The following TMEM53 variants were observed in gnomAD, a reference collection of about 807,000 sequenced individuals.
TMEM53 encodes novel DUF829 domain-containing protein.
A neutral mutation model predicts 21.4 loss-of-function variants in TMEM53; 14 were observed. The ratio of observed to expected loss-of-function variants is 0.65; its 90% CI spans 0.43 to 1.02. TMEM53 has a LOEUF of 1.02. TMEM53 is among the 50% of genes least tolerant of loss of function. The probability of loss-of-function intolerance (pLI) is 0.00; values close to 1 mark genes in which losing one functional copy is unlikely to be tolerated. For synonymous variants in TMEM53, 148 were observed against 157.4 expected (o/e 0.94, Z 0.45); for missense variants, 323 against 383.6 (o/e 0.84, Z 1.32).
Position 44,655,295 on chromosome 1 carries a change from C to A in TMEM53, c.184-86G>T. 7.3e-7 allele frequency: 1 copy of A among 1,367,982 alleles called. No individual in the cohort carries two copies. The highest frequency in any genetic ancestry group is 9.9e-7 in the Non-Finnish European group (1 of 1,012,826). 84.7% of individuals were successfully genotyped at this position (1,367,982 alleles called of 1,614,324 possible). A position where few individuals can be genotyped will look rare whatever the true frequency, so the allele number is the denominator to read the frequency against. On this transcript the variant is annotated intron_variant, in intron 2 of 2. Coordinates refer to ENST00000372237, the MANE Select transcript of TMEM53 (RefSeq NM_024587.4). This position sits in a 1 kb window ranked among gnomAD's most constrained non-coding sequence, Gnocchi z 4.4. The stretch of plus-strand genomic sequence containing the variant: ...GGTCAGAGGGGCCCAGCAACCCCAG[C>A]CTGTAGGACATAGGCCATGGGGCCC...
In TMEM53 at chr1:44,653,861, A is replaced by AGAT. The variant is rs1157530389; in HGVS notation, c.*695_*697dup. The AGAT allele has an allele frequency of 6.6e-6, 1 of 152,270 alleles. No individual in the cohort carries two copies. Among genetic ancestry groups the AGAT allele is most frequent in the African/African-American group, 2.4e-5 (1 of 41,474 alleles). The allele number at this position is 152,270 out of a possible 1,614,324, so 9.4% of individuals were successfully genotyped here. A position where few individuals can be genotyped will look rare whatever the true frequency, so the allele number is the denominator to read the frequency against. ...ACAGGCACAAAGTTTCAGTTATGCAAGATGATGAAGTTCTGAATTATGCAA... is the reference window on the plus strand; with the variant it reads ...ACAGGCACAAAGTTTCAGTTATGCAAGATGATGATGAAGTTCTGAATTATGCAA... On this transcript the variant is annotated 3_prime_UTR_variant, in exon 3 of 3. Transcript: ENST00000372237.
intron 1 of TMEM53, among the ~76,000 whole-genome samples, chr1:44,662,917 T>G (rs1323980946): frequency 2.0e-5 from 3 of 152,212 alleles, no homozygotes. Context: ...AACTCCGTTT[T>G]GCTGGCAACC....
At chr1:44,670,462 G>C (rs1028947067) in intron 1 of TMEM53, among the ~76,000 whole-genome samples, 2 of 152,168 alleles carry the variant, frequency 1.3e-5, no homozygotes, top group Admixed American at 1.3e-4. Context: ...GTATGGCCAT[G>C]GACTTGACTT....
At chr1:44,674,302 C>G (rs1645060526) in intron 1 of TMEM53, 29 bp downstream of exon 1, 9 of 1,594,668 alleles carry the variant, frequency 5.6e-6, no homozygotes, top group Non-Finnish European at 6.8e-6. Context: ...GTCACCTCCC[C>G]GCGCCTGGAC....
At chr1:44,667,277 T>A (rs916723013) in intron 1 of TMEM53, among the ~76,000 whole-genome samples, 10 of 151,808 alleles carry the variant, frequency 6.6e-5, no homozygotes, top group African/African-American at 1.9e-4. Context: ...AATACCCATA[T>A]ACACACACAT....
At position 44,674,320 on chromosome 1, in the gene TMEM53, T is replaced by A. The variant is rs1405356156; in HGVS notation, c.61+11A>T. The A allele has an allele frequency of 6.2e-7, 1 of 1,610,064 alleles. No individual in the cohort carries two copies. The highest frequency in any genetic ancestry group is 1.7e-5 in the Admixed American group (1 of 59,324). On this transcript the variant is annotated intron_variant, in intron 1 of 2. Coordinates refer to ENST00000372237, the MANE Select transcript of TMEM53 (RefSeq NM_024587.4). The stretch of plus-strand genomic sequence containing the variant: ...ACCTCCCCGCGCCTGGACCCAACCC[T>A]CATTCCATACTCTGGCTCCAGCAGG...
intron 2 of TMEM53, 23 bp downstream of exon 2, chr1:44,660,151 G>A (rs760480487): frequency 6.2e-7 from 1 of 1,610,194 alleles, no homozygotes; most frequent in Non-Finnish European, 8.5e-7. Context: ...GCAGCCCAGG[G>A]GAGAGGGCAC....
chr1:44,655,705 C>A lies in TMEM53; in HGVS notation c.184-496G>T, dbSNP rs1489450202. 6.6e-6 allele frequency among the ~76,000 whole-genome samples: 1 copy of A among 152,150 alleles called. No homozygotes were observed. The highest frequency in any genetic ancestry group is 1.9e-4 in the East Asian group (1 of 5,182). ...CATGAGACCAGTACCCGAGAGCTGG[C>A]CTGCAGGCGCCAGCCCTGACCACCA... On this transcript the variant is annotated intron_variant, in intron 2 of 2. Transcript: ENST00000372237. The surrounding 1 kb of genome is among the most constrained non-coding windows in gnomAD (Gnocchi z 4.4).
At chr1:44,661,417 TA>T (rs149985380) in intron 1 of TMEM53, among the ~76,000 whole-genome samples, 37,337 of 150,044 alleles carry the variant, frequency 0.25, 5,530 homozygotes, top group Middle Eastern at 0.36. Flanking sequence ...TTTTTTTTTT[TA>T]AGAGTAAAAA....
Position 44,654,657 on chromosome 1 carries a change from C to T in TMEM53, c.736G>A (p.Asp246Asn). Residue 246 changes from aspartate (D) to asparagine (N), a missense_variant, in exon 3 of 3, where the codon GAT becomes AAT. By Grantham distance (23) the Asp-to-Asn change is conservative. Coordinates refer to ENST00000372237, the MANE Select transcript of TMEM53 (RefSeq NM_024587.4). The surrounding 1 kb of genome is among the most constrained non-coding windows in gnomAD (Gnocchi z 7.0). ...CTGACGTGTGCAGATGACACGAAAT[C>T]CACAGAACGCGCCAGGACCCGGCGT... ...LARRVLARSV[D>N]FVSSAHVSHL... 1 of 1,614,108 alleles carries T rather than the reference C, an allele frequency of 6.2e-7. No individual in the cohort carries two copies. Among genetic ancestry groups the T allele is most frequent in the Non-Finnish European group, 8.5e-7 (1 of 1,180,022 alleles).
intron 2 of TMEM53, among the ~76,000 whole-genome samples, chr1:44,658,572 A>T (rs572924679): frequency 1.3e-5 from 2 of 152,140 alleles, no homozygotes; most frequent in South Asian, 4.1e-4. Context: ...TTATTTTGAG[A>T]CAGGGTCTCA....
At chr1:44,664,151 TAAA>T (rs555498355) in intron 1 of TMEM53, among the ~76,000 whole-genome samples, 5 of 93,244 alleles carry the variant, frequency 5.4e-5, no homozygotes, top group Non-Finnish European at 2.0e-5. Context: ...GACCTTATTA[TAAA>T]AAAAAAAAAA....
At chr1:44,659,033 A>G (rs990454190) in intron 2 of TMEM53, among the ~76,000 whole-genome samples, 2 of 152,312 alleles carry the variant, frequency 1.3e-5, no homozygotes, top group Non-Finnish European at 1.5e-5. Context: ...GAAGCCAGAC[A>G]AGCCGAGCCC....
At chr1:44,657,025 GAAC>G (rs972146741) in intron 2 of TMEM53, among the ~76,000 whole-genome samples, 4 of 146,400 alleles carry the variant, frequency 2.7e-5, no homozygotes, top group South Asian at 2.2e-4. Context: ...AAAAAAAAAA[GAAC>G]AACAACAAAA....
chr1:44,657,692 C>G (rs1205689537), intron 2 of TMEM53, among the ~76,000 whole-genome samples: 1 of 151,888 alleles, frequency 6.6e-6, no homozygotes, highest in Non-Finnish European at 1.5e-5. Context: ...CACGCACCAC[C>G]GTGCCTGGCT....
chr1:44,658,620 G>A lies in TMEM53; in HGVS notation c.183+1554C>T, dbSNP rs144642323. Among the ~76,000 whole-genome samples, 1,020 of 152,032 alleles carry A rather than the reference G, an allele frequency of 6.7e-3. 15 individuals carry two copies. The highest frequency in any genetic ancestry group is 0.023 in the African/African-American group (957 of 41,466). On this transcript the variant is annotated intron_variant, in intron 2 of 2. Transcript: ENST00000372237. ...GGCTAGAGTGCAGTGGTGCGACTTC[G>A]GCTCACTGCAACCTCCACCTCCCAG...
intron 1 of TMEM53, among the ~76,000 whole-genome samples, chr1:44,661,430 G>A (rs1228906613): frequency 6.6e-6 from 1 of 151,650 alleles, no homozygotes; most frequent in Non-Finnish European, 1.5e-5. Flanking sequence ...GAGTAAAAAA[G>A]GGGGTTTGCC....
chr1:44,657,055 G>A (rs561557990), intron 2 of TMEM53, among the ~76,000 whole-genome samples: 3 of 151,792 alleles, frequency 2.0e-5, no homozygotes, highest in East Asian at 1.9e-4. Flanking sequence ...CTAGCTTGGC[G>A]TGGTGGTGCA....
chr1:44,670,540 G>T (rs993732872), intron 1 of TMEM53, among the ~76,000 whole-genome samples: 4 of 152,170 alleles, frequency 2.6e-5, no homozygotes, highest in African/African-American at 9.7e-5. Context: ...AGCTTGGGCT[G>T]CTCTACTCTA....
Sources: gnomAD v4.1 joint callset for allele counts (sites outside exome capture counted in the v4.1 genomes callset) on GRCh38, gnomAD v4.1.1 for gene constraint, Gnocchi (gnomAD v3.1) non-coding constraint, MANE v1.5 for transcripts, NCBI Gene and HGNC (gene_info 2026-07-23, HGNC 2026-07-21) for gene names.